The following RARB variants were observed in gnomAD, a reference collection of about 807,000 sequenced individuals.
The protein encoded by RARB is HBV-activated protein.
Under a neutral mutation model 51.9 loss-of-function variants are expected in RARB, and 17 were observed. The ratio of observed to expected loss-of-function variants is 0.33; its 90% CI spans 0.22 to 0.49. The LOEUF (loss-of-function observed/expected upper bound fraction) is 0.49. Among genes scored for constraint, RARB ranks in the 20% least tolerant of loss-of-function variants. The pLI, the probability that RARB is intolerant of heterozygous loss-of-function variation, is 0.99. For missense variants in RARB, 369 were observed against 550.8 expected, an observed-to-expected ratio of 0.67 and a Z score of 3.30; for synonymous variants, 215 against 195.4, an observed-to-expected ratio of 1.10 and a Z score of -0.84.
chr3:25,037,520 G>C (rs1182375511), intron 2 of RARB, among the ~76,000 whole-genome samples: 1 of 152,100 alleles, frequency 6.6e-6, no homozygotes, highest in Non-Finnish European at 1.5e-5. Flanking sequence ...TTTTAAGGAG[G>C]TGAATGGATT....
At chr3:25,543,547 G>A (rs1699478742) in intron 3 of RARB, among the ~76,000 whole-genome samples, 1 of 152,108 alleles carries the variant, frequency 6.6e-6, no homozygotes, top group Admixed American at 6.5e-5. Flanking sequence ...TTGGCCAAGG[G>A]GGTCACAGTT....
chr3:25,379,583 A>T (rs1453054584), intron 5 of RARB, among the ~76,000 whole-genome samples: 1 of 152,236 alleles, frequency 6.6e-6, no homozygotes, highest in Non-Finnish European at 1.5e-5. Context: ...CACATACTTA[A>T]TGCAGTCAGA....
At chr3:25,259,960 G>T in intron 5 of RARB, 1 of 985,358 alleles carries the variant, frequency 1.0e-6, no homozygotes, top group South Asian at 4.7e-5. Flanking sequence ...GGGGCAGTCA[G>T]TGTGGAGCCA....
chr3:25,354,616 C>A (rs1251845601), intron 5 of RARB, among the ~76,000 whole-genome samples: 17 of 152,118 alleles, frequency 1.1e-4, no homozygotes, highest in Admixed American at 1.1e-3. Flanking sequence ...ACTCGGCTCC[C>A]CTCAATGCCC....
chr3:24,872,382 T>A (rs1702963927), intron 2 of RARB, among the ~76,000 whole-genome samples: 1 of 152,172 alleles, frequency 6.6e-6, no homozygotes. Flanking sequence ...CACACAAATC[T>A]CACCTTCTCT....
At chr3:24,971,886 A>G (rs1366277759) in intron 2 of RARB, among the ~76,000 whole-genome samples, 2 of 152,108 alleles carry the variant, frequency 1.3e-5, no homozygotes, top group African/African-American at 4.8e-5. Flanking sequence ...TATTTTTGTT[A>G]TATTGATACA....
chr3:25,115,736 A>G (rs889206891), intron 3 of RARB, among the ~76,000 whole-genome samples: 1 of 150,110 alleles, frequency 6.7e-6, no homozygotes, highest in African/African-American at 2.5e-5. Flanking sequence ...ATCATGGCTC[A>G]TTGCAGCCTC....
intron 2 of RARB, among the ~76,000 whole-genome samples, chr3:24,943,250 T>G (rs750719720): frequency 1.3e-5 from 2 of 152,200 alleles, no homozygotes; most frequent in Non-Finnish European, 2.9e-5. Flanking sequence ...AACTTCTATT[T>G]CCTTTTATTG....
intron 5 of RARB, among the ~76,000 whole-genome samples, chr3:25,309,668 T>C (rs1704243341): frequency 6.6e-6 from 1 of 151,070 alleles, no homozygotes; most frequent in African/African-American, 2.4e-5. Flanking sequence ...TGGCTAATTT[T>C]TGTATTTTTA....
At chr3:25,493,715 G>A (rs1054983496) in intron 2 of RARB, among the ~76,000 whole-genome samples, 1 of 152,186 alleles carries the variant, frequency 6.6e-6, no homozygotes, top group Non-Finnish European at 1.5e-5. Context: ...TCACATAGAT[G>A]TACTTTCCAC....
rs560218820 is a variant in RARB, at chr3:25,356,621, C to T, written c.179-104572C>T. On this transcript the variant is annotated intron_variant, in intron 5 of 11. Coordinates refer to the RARB transcript ENST00000383772. The stretch of plus-strand genomic sequence containing the variant: ...TGGTGGTTTGCTGCACCCATCAACC[C>T]ATCATCTACATTAGGTATTTCTCCT... Among the ~76,000 whole-genome samples the T allele has an allele frequency of 6.4e-4, 98 of 152,046 alleles. 1 individual carries two copies. The highest frequency in any genetic ancestry group is 3.4e-3 in the Middle Eastern group (1 of 294).
At chr3:25,176,337 C>CTTTCTTT in intron 5 of RARB, among the ~76,000 whole-genome samples, 1 of 69,386 alleles carries the variant, frequency 1.4e-5, no homozygotes, top group African/African-American at 4.7e-5. Flanking sequence ...TTCTTTCTTT[C>CTTTCTTT]CTTCCTTCCT....
At chr3:25,515,285 T>G (rs754144356) in intron 3 of RARB, among the ~76,000 whole-genome samples, 1 of 152,206 alleles carries the variant, frequency 6.6e-6, no homozygotes, top group African/African-American at 2.4e-5. Context: ...AGCAAATGTT[T>G]GTGAAATGTG....
At chr3:25,504,275 G>A (rs778741114) in intron 3 of RARB, among the ~76,000 whole-genome samples, 1 of 152,124 alleles carries the variant, frequency 6.6e-6, no homozygotes, top group Non-Finnish European at 1.5e-5. Flanking sequence ...TTTTCCCCAT[G>A]TCTAACAAAG....
At chr3:25,354,287 C>G (rs1705664261) in intron 5 of RARB, among the ~76,000 whole-genome samples, 2 of 152,068 alleles carry the variant, frequency 1.3e-5, no homozygotes. Flanking sequence ...TTTCATGCTT[C>G]TGAAGACAGT....
At chr3:25,035,006 C>G (rs1276106342) in intron 2 of RARB, among the ~76,000 whole-genome samples, 3 of 152,162 alleles carry the variant, frequency 2.0e-5, no homozygotes, top group African/African-American at 7.2e-5. Flanking sequence ...ATTTATCATT[C>G]CACATGTGAT....
At chr3:24,930,325 G>A (rs1184421425) in intron 2 of RARB, among the ~76,000 whole-genome samples, 1 of 151,268 alleles carries the variant, frequency 6.6e-6, no homozygotes, top group East Asian at 2.0e-4. Context: ...TGCATCCAGG[G>A]GCGTAAGCTT....
At chr3:25,093,704 GT>G (rs146417266) in intron 3 of RARB, among the ~76,000 whole-genome samples, 3 of 150,828 alleles carry the variant, frequency 2.0e-5, no homozygotes, top group Admixed American at 6.6e-5. Context: ...TCTTTACGGG[GT>G]TTTTTTTTGC....
chr3:24,970,528 A>G (rs560859767), intron 2 of RARB, among the ~76,000 whole-genome samples: 2 of 151,716 alleles, frequency 1.3e-5, no homozygotes, highest in South Asian at 2.1e-4. Context: ...CGGAAAATGT[A>G]TCAGATCAAC....
Sources: gnomAD v4.1 joint callset for allele counts (sites outside exome capture counted in the v4.1 genomes callset) on GRCh38, gnomAD v4.1.1 for gene constraint, MANE v1.5 for transcripts, NCBI Gene and HGNC (gene_info 2026-07-23, HGNC 2026-07-21) for gene names.